ZNF836: variants seen among roughly 807,000 people sequenced by gnomAD.
The protein encoded by ZNF836 is zinc finger protein 836.
Under a neutral mutation model 7.4 loss-of-function variants are expected in ZNF836, and 12 were observed. The observed-to-expected ratio is 1.61, with a 90% CI of 1.03 to 2.61. The LOEUF (loss-of-function observed/expected upper bound fraction) is 2.61, where lower values mean the gene tolerates loss of function less well. Among genes scored for constraint, ZNF836 ranks in the 30% most tolerant of loss-of-function variants. ZNF836 has a pLI of 0.00. For missense variants in ZNF836, 998 were observed against 1,126.2 expected (o/e 0.89, Z 1.63); for synonymous variants, 365 against 382.6 (o/e 0.95, Z 0.54).
chr19:52,162,699 G>A (rs189906380), intron 3 of ZNF836, among the ~76,000 whole-genome samples: 12 of 152,264 alleles, frequency 7.9e-5, no homozygotes, highest in Middle Eastern at 3.4e-3. Context: ...TCAGTCGGCC[G>A]TTTGGATCAC....
intron 3 of ZNF836, among the ~76,000 whole-genome samples, chr19:52,162,777 GC>G (rs1304340343): frequency 3.9e-5 from 6 of 152,226 alleles, no homozygotes; most frequent in Non-Finnish European, 8.8e-5. Context: ...ACTTCAAGGA[GC>G]CCGGCGCCAG....
rs2089152359 is a variant in ZNF836, at chr19:52,155,892, T to C, written c.1791A>G (p.Leu597=). 1.9e-6 allele frequency: 3 copies of C among 1,613,490 alleles called. No homozygotes were observed. Among genetic ancestry groups the C allele is most frequent in the East Asian group, 2.2e-5 (1 of 44,854 alleles). Residue 597 remains leucine, a synonymous_variant, in exon 5 of 5, where the codon CTA becomes CTG. Coordinates refer to ENST00000682614, the MANE Select transcript of ZNF836 (RefSeq NM_001102657.3). ...CAGTATGAATTCTTAGATGACGTGCTAGGCATGAGTAGTTCCTGAAGACTG... is the reference window on the plus strand; with the variant it reads ...CAGTATGAATTCTTAGATGACGTGCCAGGCATGAGTAGTTCCTGAAGACTG... ...CGTVFRNYSC[L]ARHLRIHTGQ... is the part of the protein sequence containing the mutation.
chr19:52,164,283 C>T (rs1412989502), intron 3 of ZNF836, among the ~76,000 whole-genome samples: 2 of 151,486 alleles, frequency 1.3e-5, no homozygotes, highest in East Asian at 3.9e-4. Flanking sequence ...ATCCCAGCTA[C>T]TCAGGAGGTT....
chr19:52,169,087 G>A (rs915805495), intron 2 of ZNF836, among the ~76,000 whole-genome samples: 4 of 152,112 alleles, frequency 2.6e-5, no homozygotes, highest in Non-Finnish European at 4.4e-5. Context: ...GAAAGTTTTT[G>A]AAAAATTTAA....
At chr19:52,162,330 A>G (rs1023346467) in intron 3 of ZNF836, among the ~76,000 whole-genome samples, 1 of 152,206 alleles carries the variant, frequency 6.6e-6, no homozygotes, top group Non-Finnish European at 1.5e-5. Context: ...GGGGACTTCC[A>G]GGGACAGCCT....
At chr19:52,168,721 C>T (rs929119340) in intron 2 of ZNF836, among the ~76,000 whole-genome samples, 9 of 151,638 alleles carry the variant, frequency 5.9e-5, no homozygotes, top group Admixed American at 1.3e-4. Context: ...ATTCAACCAT[C>T]AAAAAGAAGA....
intron 3 of ZNF836, among the ~76,000 whole-genome samples, chr19:52,162,897 G>C (rs979505214): frequency 3.3e-5 from 5 of 152,170 alleles, no homozygotes; most frequent in Admixed American, 6.5e-5. Context: ...GCCTCCAGTG[G>C]AATGCTAAGT....
intron 3 of ZNF836, among the ~76,000 whole-genome samples, chr19:52,164,688 C>A (rs531134865): frequency 6.6e-6 from 1 of 152,098 alleles, no homozygotes; most frequent in East Asian, 1.9e-4. Context: ...TCATGGCAAA[C>A]AATCAAGCAC....
Position 52,155,894 on chromosome 19 carries a change from G to A in ZNF836, c.1789C>T (p.Leu597=). The part of the protein sequence containing the change: ...CGTVFRNYSC[L]ARHLRIHTGQ... ...GTATGAATTCTTAGATGACGTGCTA[G>A]GCATGAGTAGTTCCTGAAGACTGTG... The change falls in exon 5 of 5, where the codon CTA becomes TTA. Residue 597 remains leucine, a synonymous_variant. Coordinates refer to ENST00000682614, the MANE Select transcript of ZNF836 (RefSeq NM_001102657.3). 6.2e-7 allele frequency: 1 copy of A among 1,613,998 alleles called. No individual in the cohort carries two copies. The highest frequency in any genetic ancestry group is 1.1e-5 in the South Asian group (1 of 91,082).
chr19:52,157,357 T>G lies in ZNF836; in HGVS notation c.326A>C (p.Tyr109Ser), dbSNP rs780931129. The G allele has an allele frequency of 6.2e-7, 1 of 1,607,684 alleles. No individual in the cohort carries two copies. ...EFQWKDGEIN[Y>S]KEVPMTYKNN... ...TTTATAGGTCATTGGCACTTCTTTA[T>G]AATTTATTTCACCATCTTTCCATTG... Residue 109 changes from tyrosine (Y) to serine (S), a missense_variant, in exon 5 of 5, where the codon TAT becomes TCT. By Grantham distance (144) the Tyr-to-Ser change is moderately radical. Transcript: ENST00000682614.
intron 3 of ZNF836, among the ~76,000 whole-genome samples, chr19:52,163,474 T>C (rs2089231899): frequency 6.6e-6 from 1 of 152,230 alleles, no homozygotes; most frequent in Non-Finnish European, 1.5e-5. Context: ...TTCATCACTC[T>C]TAAATTCTGC....
chr19:52,155,395 GA>G lies in ZNF836; in HGVS notation c.2287del (p.Ser763ArgfsTer31). The G allele has an allele frequency of 6.2e-7, 1 of 1,614,090 alleles. No homozygotes were observed. Among genetic ancestry groups the G allele is most frequent in the Non-Finnish European group, 8.5e-7 (1 of 1,180,020 alleles). ...AATTCTCCGATGCCTTGCAAGGTTCGAAGTGGAATTAAAGACCTGGCCACAT... is the reference window on the plus strand; with the variant it reads ...AATTCTCCGATGCCTTGCAAGGTTCGAGTGGAATTAAAGACCTGGCCACAT... ...IECGQVFNST[S>X]NLARHRRIHT... is the part of the protein sequence containing the mutation. On this transcript the variant is annotated frameshift_variant, in exon 5 of 5. Transcript: ENST00000682614. LOFTEE classifies it low-confidence loss of function (END_TRUNC).
At position 52,161,831 on chromosome 19, in the gene ZNF836, C is replaced by T. The variant is rs1477511810; in HGVS notation, c.16-1240G>A. On this transcript the variant is annotated intron_variant, in intron 3 of 4. Transcript: ENST00000682614. The surrounding 1 kb of genome is among the most constrained non-coding windows in gnomAD (Gnocchi z 4.1). ...TAATCTAAATCAGATATGGGTGAGACTCAAACATGCATTTCATCCAAAGGC... is the reference window on the plus strand; with the variant it reads ...TAATCTAAATCAGATATGGGTGAGATTCAAACATGCATTTCATCCAAAGGC... Among the ~76,000 whole-genome samples the T allele has an allele frequency of 6.6e-6, 1 of 152,172 alleles. No homozygotes were observed. Among genetic ancestry groups the T allele is most frequent in the Non-Finnish European group, 1.5e-5 (1 of 68,032 alleles).
chr19:52,164,208 A>G (rs950876524), intron 3 of ZNF836, among the ~76,000 whole-genome samples: 4 of 152,064 alleles, frequency 2.6e-5, no homozygotes, highest in African/African-American at 4.8e-5. Context: ...CATGGCTAAC[A>G]TGGTGAAATC....
chr19:52,159,632 A>G (rs1169161384), intron 4 of ZNF836, among the ~76,000 whole-genome samples: 1 of 152,226 alleles, frequency 6.6e-6, no homozygotes, highest in Non-Finnish European at 1.5e-5. Flanking sequence ...AAAGTTGTCA[A>G]GTGAATGAGT....
rs377598304 is a variant in ZNF836, at chr19:52,157,461, C to G, written c.222G>C (p.Thr74=). Residue 74 remains threonine, a synonymous_variant, in exon 5 of 5, where the codon ACG becomes ACC. Coordinates refer to ENST00000682614, the MANE Select transcript of ZNF836 (RefSeq NM_001102657.3). ...SNTGEKCQTV[T]LERHECYDVE... is the part of the protein sequence containing the mutation. ...CATCATAACATTCATGTCTTTCCAG[C>G]GTCACTGTTTGGCATTTTTCTCCTG... 1 of 1,595,156 alleles carries G rather than the reference C, an allele frequency of 6.3e-7. No individual in the cohort carries two copies. The highest frequency in any genetic ancestry group is 1.8e-5 in the Admixed American group (1 of 55,002).
rs971091163 is a variant in ZNF836 at position 52,159,226 on chromosome 19, T to C, written c.142+1239A>G. Reference sequence around the variant, plus strand: ...CATTATAAACATGAAATAATGTTGATATACCTTATTAAACAAAGAAATTTG... The same window carrying C: ...CATTATAAACATGAAATAATGTTGACATACCTTATTAAACAAAGAAATTTG... On this transcript the variant is annotated intron_variant, in intron 4 of 4. Coordinates refer to ENST00000682614, the MANE Select transcript of ZNF836 (RefSeq NM_001102657.3). Among the ~76,000 whole-genome samples the C allele has an allele frequency of 1.1e-4, 16 of 152,192 alleles. 1 individual carries two copies. Among genetic ancestry groups the C allele is most frequent in the African/African-American group, 3.6e-4 (15 of 41,444 alleles).
rs2089174721 is a variant in ZNF836 at position 52,157,345 on chromosome 19, G to A, written c.338C>T (p.Pro113Leu). 1.2e-6 allele frequency: 2 copies of A among 1,607,218 alleles called. No homozygotes were observed. Among genetic ancestry groups the A allele is most frequent in the Non-Finnish European group, 1.7e-6 (2 of 1,178,108 alleles). The change falls in exon 5 of 5, where the codon CCA (proline) becomes CTA (leucine). Residue 113 changes from proline (P) to leucine (L), a missense_variant. Pro to Leu is a moderately conservative substitution (Grantham distance 98, BLOSUM62 -3). Transcript: ENST00000682614. ...KDGEINYKEV[P>L]MTYKNNLNGK... ...ATTAAGATTGTTTTTATAGGTCATT[G>A]GCACTTCTTTATAATTTATTTCACC...
At position 52,154,738 on chromosome 19, in the gene ZNF836, A is replaced by G; in HGVS notation, c.*134T>C. On this transcript the variant is annotated 3_prime_UTR_variant, in exon 5 of 5. Coordinates refer to ENST00000682614, the MANE Select transcript of ZNF836 (RefSeq NM_001102657.3). ...AAGAGCAAAAAGCGGGTGGTGCTAA[A>G]CCATTCTTGAGAAATCCACCCCTGT... The G allele has an allele frequency of 1.3e-6, 1 of 790,222 alleles. No homozygotes were observed. The highest frequency in any genetic ancestry group is 1.7e-5 in the African/African-American group (1 of 57,542). 49.0% of individuals were successfully genotyped at this position (790,222 alleles called of 1,614,324 possible). A position where few individuals can be genotyped will look rare whatever the true frequency, so the allele number is the denominator to read the frequency against.
Sources: allele counts gnomAD v4.1 joint callset (sites outside exome capture counted in the v4.1 genomes callset), GRCh38; gene constraint gnomAD v4.1.1; non-coding constraint Gnocchi (gnomAD v3.1); transcripts MANE v1.5; gene names NCBI Gene and HGNC (gene_info 2026-07-23, HGNC 2026-07-21).